DIAPH2: variants seen among roughly 807,000 people sequenced by gnomAD.
DIAPH2 encodes protein diaphanous homolog 2.
Under a neutral mutation model 92.7 loss-of-function variants are expected in DIAPH2, and 35 were observed. That is an observed-to-expected ratio of 0.38 (90% confidence interval 0.29 to 0.50). The LOEUF is 0.50. Ranked by LOEUF, DIAPH2 falls within the 20% of genes least tolerant of loss-of-function variation. The pLI is 0.94. For synonymous variants in DIAPH2, 301 were observed against 280.4 expected (o/e 1.07, Z -0.73); for missense variants, 701 against 819.5 (o/e 0.86, Z 1.77).
intron 26 of DIAPH2, among the ~76,000 whole-genome samples, chrX:97,522,363 T>C (rs952843029): frequency 8.9e-6 from 1 of 111,993 alleles, no homozygotes; most frequent in Admixed American, 9.5e-5. Flanking sequence ...CCCAGCCTGG[T>C]CTCAAACTTC....
At chrX:97,120,890 C>T (rs2067053359) in intron 21 of DIAPH2, among the ~76,000 whole-genome samples, 2 of 111,141 alleles carry the variant, frequency 1.8e-5, no homozygotes, top group East Asian at 2.8e-4. Flanking sequence ...ATAGGTTCAG[C>T]TTTATTGTGA....
chrX:96,887,719 T>A (rs2065272990), intron 5 of DIAPH2, among the ~76,000 whole-genome samples: 1 of 111,648 alleles, frequency 9.0e-6, no homozygotes, highest in South Asian at 3.7e-4. Flanking sequence ...TCAATTTCTG[T>A]TTACTTTTTA....
chrX:97,570,075 A>AATATAT lies in DIAPH2; in HGVS notation c.3242-29135_3242-29130dup, dbSNP rs1164491863. Among the ~76,000 whole-genome samples the AATATAT allele has an allele frequency of 7.0e-3, 85 of 12,094 alleles. 5 individuals are homozygous for AATATAT. The highest frequency in any genetic ancestry group is 0.016 in the East Asian group (5 of 318). 10.5% of individuals were successfully genotyped at this position (12,094 alleles called of 115,157 possible). A position where few individuals can be genotyped will look rare whatever the true frequency, so the allele number is the denominator to read the frequency against. On this transcript the variant is annotated intron_variant, in intron 26 of 26. Transcript: ENST00000324765. ...ATTATACAAGTTCATAAGGCCTTCT[A>AATATAT]ATATATATATATATATATATATATA...
chrX:97,163,969 A>G (rs1261664926), intron 22 of DIAPH2, among the ~76,000 whole-genome samples: 1 of 112,412 alleles, frequency 8.9e-6, no homozygotes, highest in East Asian at 2.8e-4. Flanking sequence ...TGTCAGGAAT[A>G]ACAATGTAAA....
intron 23 of DIAPH2, among the ~76,000 whole-genome samples, chrX:97,249,704 G>A (rs2068172081): frequency 9.0e-6 from 1 of 111,722 alleles, no homozygotes; most frequent in African/African-American, 3.3e-5. Context: ...TTATATGTAT[G>A]TATATGAGTT....
chrX:97,298,394 G>A (rs1264299651), intron 23 of DIAPH2, among the ~76,000 whole-genome samples: 1 of 107,267 alleles, frequency 9.3e-6, no homozygotes, highest in African/African-American at 3.4e-5. Context: ...TATGATAAGT[G>A]CAACACAGCT....
intron 17 of DIAPH2, among the ~76,000 whole-genome samples, chrX:97,005,913 T>C (rs1483021782): frequency 2.3e-4 from 24 of 105,621 alleles, no homozygotes; most frequent in African/African-American, 6.5e-4. Context: ...TTTTTCTTTT[T>C]TTTTTTTTTT....
At chrX:97,206,700 C>T (rs771089306) in intron 22 of DIAPH2, among the ~76,000 whole-genome samples, 1 of 111,621 alleles carries the variant, frequency 9.0e-6, no homozygotes, top group South Asian at 3.7e-4. Flanking sequence ...ACACATCTTA[C>T]GCTCTGCTGA....
intron 22 of DIAPH2, among the ~76,000 whole-genome samples, chrX:97,201,310 G>A (rs939364571): frequency 9.2e-6 from 1 of 109,193 alleles, no homozygotes; most frequent in Non-Finnish European, 1.9e-5. Flanking sequence ...ACTGGACGGA[G>A]GATGAGACTG....
Position 97,274,006 on chromosome X carries a change from GGTGTGTGTGT to G in DIAPH2, c.2844+26206_2844+26215del, listed in dbSNP as rs55778849. Among the ~76,000 whole-genome samples, 231 of 86,708 alleles carry G rather than the reference GGTGTGTGTGT, an allele frequency of 2.7e-3. 1 individual carries two copies. The highest frequency in any genetic ancestry group is 0.017 in the Middle Eastern group (3 of 172). 75.3% of individuals were successfully genotyped at this position (86,708 alleles called of 115,157 possible). On this transcript the variant is annotated intron_variant, in intron 23 of 26. Coordinates refer to ENST00000324765, the MANE Select transcript of DIAPH2 (RefSeq NM_006729.5). Reference sequence around the variant, plus strand: ...AACTTTAACAGCAAATAAAACTAGCGGTGTGTGTGTGTGTGTGTGTGTGTGTGTGTGTGTG... The same window carrying G: ...AACTTTAACAGCAAATAAAACTAGCGGTGTGTGTGTGTGTGTGTGTGTGTG...
At chrX:97,376,526 G>T (rs760612204) in intron 24 of DIAPH2, among the ~76,000 whole-genome samples, 1 of 112,261 alleles carries the variant, frequency 8.9e-6, no homozygotes, top group Non-Finnish European at 1.9e-5. Context: ...ATGGAGTACA[G>T]ACCCTGAAAT....
At chrX:97,274,006 G>GGTGTGTGTGTGTGT (rs55778849) in intron 23 of DIAPH2, among the ~76,000 whole-genome samples, 4 of 86,733 alleles carry the variant, frequency 4.6e-5, no homozygotes, top group African/African-American at 1.7e-4. Flanking sequence ...TAAAACTAGC[G>GGTGTGTGTGTGTGT]GTGTGTGTGT....
intron 5 of DIAPH2, among the ~76,000 whole-genome samples, chrX:96,907,519 G>C (rs2065441352): frequency 8.9e-6 from 1 of 111,881 alleles, no homozygotes; most frequent in African/African-American, 3.2e-5. Context: ...ATGTGCTTAA[G>C]AGTCAGATAT....
intron 4 of DIAPH2, among the ~76,000 whole-genome samples, chrX:96,831,518 G>C (rs1032325147): frequency 8.9e-6 from 1 of 111,923 alleles, no homozygotes; most frequent in Non-Finnish European, 1.9e-5. Context: ...CTGTGATTAA[G>C]AATAGAACCT....
intron 4 of DIAPH2, among the ~76,000 whole-genome samples, chrX:96,773,235 T>C (rs1392771509): frequency 3.3e-5 from 3 of 90,831 alleles, no homozygotes; most frequent in African/African-American, 7.9e-5. Flanking sequence ...GGCTGAATTG[T>C]TTCCCCCCCC....
intron 1 of DIAPH2, among the ~76,000 whole-genome samples, chrX:96,722,801 T>C (rs756402674): frequency 8.9e-6 from 1 of 112,096 alleles, no homozygotes; most frequent in South Asian, 3.7e-4. Context: ...AATTCCACTT[T>C]TGTGGTGTTT....
At chrX:96,866,854 T>G (rs1023041736) in intron 4 of DIAPH2, among the ~76,000 whole-genome samples, 9 of 112,297 alleles carry the variant, frequency 8.0e-5, no homozygotes, top group Non-Finnish European at 1.5e-4. Flanking sequence ...ATACTAATTT[T>G]TTCTCTGAGA....
rs192469814 is a variant in DIAPH2, at chrX:96,963,023, G to C, written c.1936-2070G>C. Among the ~76,000 whole-genome samples, 3 of 111,914 alleles carry C rather than the reference G, an allele frequency of 2.7e-5. No individual in the cohort carries two copies. The East Asian group carries it at 8.4e-4, about 31-fold the overall frequency. ...AAGCATTTCTTGTAGGGCTTGTCTA[G>C]TGGTGATGAATTCCCTCAGTTTTTG... is the stretch of plus-strand genomic sequence containing the variant. On this transcript the variant is annotated intron_variant, in intron 16 of 26. Coordinates refer to ENST00000324765, the MANE Select transcript of DIAPH2 (RefSeq NM_006729.5).
chrX:96,900,019 C>T (rs1389737451), intron 5 of DIAPH2, among the ~76,000 whole-genome samples: 1 of 111,290 alleles, frequency 9.0e-6, no homozygotes, highest in Admixed American at 9.6e-5. Context: ...TTTATATGCT[C>T]GATTACATTT....
Sources: gnomAD v4.1 joint callset for allele counts (sites outside exome capture counted in the v4.1 genomes callset) on GRCh38, gnomAD v4.1.1 for gene constraint, MANE v1.5 for transcripts, NCBI Gene and HGNC (gene_info 2026-07-23, HGNC 2026-07-21) for gene names.